NUP107: variants seen among roughly 807,000 people sequenced by gnomAD.
The protein encoded by NUP107 is nucleoporin 107.
NUP107 carries 101 observed loss-of-function variants against 141.0 expected under a neutral mutation model. That is an observed-to-expected ratio of 0.72 (90% CI 0.61 to 0.84). The LOEUF (loss-of-function observed/expected upper bound fraction) is 0.84. Ranked by LOEUF, NUP107 falls within the 40% of genes least tolerant of loss-of-function variation. The pLI, the probability that NUP107 is intolerant of heterozygous loss-of-function variation, is 0.00. For synonymous variants in NUP107, 319 were observed against 363.9 expected, an observed-to-expected ratio of 0.88 and a Z score of 1.41; for missense variants, 941 against 1,102.7, an observed-to-expected ratio of 0.85 and a Z score of 2.08.
At chr12:68,688,550 C>A (rs955629105) in intron 1 of NUP107, among the ~76,000 whole-genome samples, 4 of 152,012 alleles carry the variant, frequency 2.6e-5, no homozygotes, top group African/African-American at 9.7e-5. Flanking sequence ...TTAATAGTAC[C>A]CATGGTTTAA....
In NUP107 at chr12:68,744,541, G is replaced by T. The variant is rs962259653; in HGVS notation, c.*2079G>T. On this transcript the variant is annotated 3_prime_UTR_variant, in exon 28 of 28. Transcript: ENST00000229179. ...TGGGATTACAGGCGCCTGCCACCACGCCTGGCTAATTTTTGTATTTTTAGT... is the reference window on the plus strand; with the variant it reads ...TGGGATTACAGGCGCCTGCCACCACTCCTGGCTAATTTTTGTATTTTTAGT... 1.3e-5 allele frequency: 2 copies of T among 152,122 alleles called. No homozygotes were observed. Among genetic ancestry groups the T allele is most frequent in the African/African-American group, 2.4e-5 (1 of 41,372 alleles). The allele number at this position is 152,122 out of a possible 1,614,324, so 9.4% of individuals were successfully genotyped here.
chr12:68,726,502 T>C lies in NUP107; in HGVS notation c.1580T>C (p.Leu527Ser), dbSNP rs781535734. The C allele has an allele frequency of 6.2e-7, 1 of 1,603,460 alleles. No individual in the cohort carries two copies. Among genetic ancestry groups the C allele is most frequent in the Non-Finnish European group, 8.5e-7 (1 of 1,170,558 alleles). ...KFLILGDIDG[L>S]MDEFSKWLSK... ...TCTTCACTTTGATGGCTTGTAGGTT[T>C]GATGGATGAGTTTAGCAAATGGCTT... The change falls in exon 19 of 28, where the codon TTG (leucine) becomes TCG (serine). Residue 527 changes from leucine to serine, a missense_variant. Coordinates refer to ENST00000229179, the MANE Select transcript of NUP107 (RefSeq NM_020401.4).
intron 18 of NUP107, 142 bp downstream of exon 18, chr12:68,725,938 A>T: frequency 1.8e-6 from 1 of 556,572 alleles, no homozygotes; most frequent in Non-Finnish European, 3.1e-6. Flanking sequence ...CTGGGTTCAC[A>T]AGATCCTTCA....
chr12:68,709,878 G>A (rs1351927749), intron 9 of NUP107, 127 bp from the exon 10 acceptor site: 3 of 535,738 alleles, frequency 5.6e-6, no homozygotes, highest in African/African-American at 2.0e-5. Flanking sequence ...GACAGAGTGA[G>A]ACTCTTTCTC....
chr12:68,696,685 C>T (rs1876073410), intron 5 of NUP107, 134 bp from the exon 6 acceptor site: 1 of 556,720 alleles, frequency 1.8e-6, no homozygotes, highest in Middle Eastern at 5.1e-4. Context: ...TGCACTCCAC[C>T]CTGGACAACA....
chr12:68,731,143 G>A lies in NUP107; in HGVS notation c.1768G>A (p.Ala590Thr). The A allele has an allele frequency of 1.2e-6, 2 of 1,601,680 alleles. No homozygotes were observed. Among genetic ancestry groups the A allele is most frequent in the Non-Finnish European group, 1.7e-6 (2 of 1,174,766 alleles). ...LIREKHTNLIAFYTCHLPQDL... is the reference protein window; with the variant it reads ...LIREKHTNLITFYTCHLPQDL... ...AAGAGAGAAACATACAAATCTTATAGCATTTTATACCTGTCATTTGCCTCA... is the reference window on the plus strand; with the variant it reads ...AAGAGAGAAACATACAAATCTTATAACATTTTATACCTGTCATTTGCCTCA... The change falls in exon 21 of 28, where the codon GCA becomes ACA. Residue 590 changes from alanine (A) to threonine (T), a missense_variant. Ala to Thr is a moderately conservative substitution (Grantham distance 58, BLOSUM62 0). Transcript: ENST00000229179.
rs542873302 is a variant in NUP107, at chr12:68,700,971, T to C, written c.680+118T>C. 2.2e-5 allele frequency: 21 copies of C among 969,296 alleles called. No individual in the cohort carries two copies. The South Asian group carries it at 3.8e-4, about 18-fold the overall frequency. 60.0% of individuals were successfully genotyped at this position (969,296 alleles called of 1,614,324 possible). ...AATAGGTTTTGCTATTTTTGATGCT[T>C]ATCATTTCGAATACCTTAGTTGTCA... On this transcript the variant is annotated intron_variant, in intron 7 of 27. Coordinates refer to ENST00000229179, the MANE Select transcript of NUP107 (RefSeq NM_020401.4).
Position 68,700,874 on chromosome 12 carries a change from T to G in NUP107, c.680+21T>G, listed in dbSNP as rs778340472. 13 of 1,550,354 alleles carry G rather than the reference T, an allele frequency of 8.4e-6. No homozygotes were observed. The African/African-American group carries it at 1.7e-4, about 20-fold the overall frequency. ...TATAGGTAATGGCGTCTAGAATTCA[T>G]AAGTGAAATAAACATAAGGTAATAA... On this transcript the variant is annotated intron_variant, in intron 7 of 27. Transcript: ENST00000229179.
chr12:68,700,672 A>G (rs1876285164), intron 6 of NUP107, 54 bp from the exon 7 acceptor site: 4 of 1,320,812 alleles, frequency 3.0e-6, no homozygotes, highest in Non-Finnish European at 4.1e-6. Flanking sequence ...CAAACTTATC[A>G]GTGACTCAAA....
intron 12 of NUP107, among the ~76,000 whole-genome samples, chr12:68,718,994 T>C (rs1473853062): frequency 1.3e-5 from 2 of 152,184 alleles, no homozygotes; most frequent in Non-Finnish European, 2.9e-5. Flanking sequence ...GTTCAAGCGA[T>C]GCACCTGCCT....
At chr12:68,741,572 C>T (rs1878321089) in intron 26 of NUP107, among the ~76,000 whole-genome samples, 1 of 152,122 alleles carries the variant, frequency 6.6e-6, no homozygotes, top group African/African-American at 2.4e-5. Context: ...CAGTTTCCAA[C>T]TCATTCTTTT....
chr12:68,689,787 A>AC, intron 3 of NUP107, 168 bp downstream of exon 3: 9 of 554,774 alleles, frequency 1.6e-5, no homozygotes, highest in South Asian at 7.2e-5. Flanking sequence ...AAGGTACTGT[A>AC]CTTTCCATAA....
chr12:68,714,763 A>C (rs1165383059), intron 11 of NUP107, among the ~76,000 whole-genome samples: 1 of 152,188 alleles, frequency 6.6e-6, no homozygotes, highest in Non-Finnish European at 1.5e-5. Flanking sequence ...GGTAGGTAGA[A>C]ATAACTGTTT....
At chr12:68,694,825 C>T (rs369971601) in intron 5 of NUP107, among the ~76,000 whole-genome samples, 54 of 152,240 alleles carry the variant, frequency 3.5e-4, no homozygotes, top group East Asian at 2.3e-3. Context: ...CGCTTGAGCC[C>T]GGGAGGCAGA....
intron 7 of NUP107, among the ~76,000 whole-genome samples, chr12:68,701,468 G>A (rs994997571): frequency 2.6e-5 from 4 of 152,044 alleles, no homozygotes; most frequent in African/African-American, 9.7e-5. Flanking sequence ...GATCACTTGA[G>A]GTCAGGAGTT....
intron 21 of NUP107, 100 bp downstream of exon 21, chr12:68,731,360 TGAG>T (rs1877819333): frequency 8.2e-7 from 1 of 1,215,980 alleles, no homozygotes; most frequent in Non-Finnish European, 1.1e-6. Flanking sequence ...TTATTTCTGT[TGAG>T]GGGAAAAGAG....
chr12:68,743,324 C>G lies in NUP107; in HGVS notation c.*862C>G, dbSNP rs1878397462. On this transcript the variant is annotated 3_prime_UTR_variant, in exon 28 of 28. Transcript: ENST00000229179. ...GGCTGAGGCATGAGAATCTCTTGAA[C>G]CTGGAAGGCAGAGGTTGCAGTGAGC... 6.6e-6 allele frequency: 1 copy of G among 152,350 alleles called. No individual in the cohort carries two copies. Among genetic ancestry groups the G allele is most frequent in the South Asian group, 2.1e-4 (1 of 4,838 alleles). The allele number at this position is 152,350 out of a possible 1,614,324, so 9.4% of individuals were successfully genotyped here.
intron 26 of NUP107, among the ~76,000 whole-genome samples, chr12:68,740,822 G>A (rs988465785): frequency 6.6e-6 from 1 of 151,780 alleles, no homozygotes; most frequent in African/African-American, 2.4e-5. Flanking sequence ...CCAAGAGTTC[G>A]ATACTAGCTT....
At chr12:68,702,697 T>C in intron 7 of NUP107, 39 bp from the exon 8 acceptor site, 2 of 1,427,268 alleles carry the variant, frequency 1.4e-6, no homozygotes, top group Non-Finnish European at 1.9e-6. Flanking sequence ...TATATTCGTG[T>C]GAAATAAGGC....
Sources: gnomAD v4.1 joint callset for allele counts (sites outside exome capture counted in the v4.1 genomes callset) on GRCh38, gnomAD v4.1.1 for gene constraint, MANE v1.5 for transcripts, NCBI Gene and HGNC (gene_info 2026-07-23, HGNC 2026-07-21) for gene names.